Variants in GPBP1L1 observed in about 807,000 individuals in gnomAD.
The protein encoded by GPBP1L1 is GC-rich promoter binding protein 1 like 1.
Under a neutral mutation model 52.5 loss-of-function variants are expected in GPBP1L1, and 23 were observed. The observed-to-expected ratio is 0.44, with a 90% confidence interval of 0.32 to 0.62. GPBP1L1 has a LOEUF of 0.62. Ranked by LOEUF, GPBP1L1 falls within the 20% of genes least tolerant of loss-of-function variation. GPBP1L1 has a pLI of 0.06. For synonymous variants in GPBP1L1, 243 were observed against 203.1 expected (o/e 1.20, Z -1.67); for missense variants, 596 against 579.3 (o/e 1.03, Z -0.30).
intron 2 of GPBP1L1, among the ~76,000 whole-genome samples, chr1:45,678,803 T>C (rs187685290): frequency 1.3e-5 from 2 of 152,296 alleles, no homozygotes; most frequent in East Asian, 1.9e-4. Context: ...CTGGAGAAAT[T>C]TGAATAGCAC....
At position 45,660,398 on chromosome 1, in the gene GPBP1L1, G is replaced by GAAAGGGGA. The variant is rs763032326; in HGVS notation, c.-278_-271dup. 124 of 982,736 alleles carry GAAAGGGGA rather than the reference G, an allele frequency of 1.3e-4. No individual in the cohort carries two copies. Among genetic ancestry groups the GAAAGGGGA allele is most frequent in the Non-Finnish European group, 1.4e-4 (117 of 827,884 alleles). The allele number at this position is 982,736 out of a possible 1,614,324, so 60.9% of individuals were successfully genotyped here. ...GGTTCCTGACACGTTTCCAAAAGGG[G>GAAAGGGGA]AAAGGGGAAAAGGGGAAGGGGGGAA... is the stretch of plus-strand genomic sequence containing the variant. On this transcript the variant is annotated 5_prime_UTR_variant, in exon 3 of 13. The change abolishes the stop of an existing upstream ORF in the 5' untranslated region. Coordinates refer to ENST00000355105, the MANE Select transcript of GPBP1L1 (RefSeq NM_021639.5).
intron 6 of GPBP1L1, among the ~76,000 whole-genome samples, chr1:45,653,450 G>C (rs1296207571): frequency 6.6e-6 from 1 of 152,026 alleles, no homozygotes; most frequent in Non-Finnish European, 1.5e-5. Context: ...CAAACTCCTG[G>C]GCTCAAGTAA....
intron 10 of GPBP1L1, 129 bp from the exon 11 acceptor site, chr1:45,630,735 T>C (rs2148416750): frequency 2.0e-6 from 2 of 1,021,674 alleles, no homozygotes; most frequent in Non-Finnish European, 2.8e-6. Flanking sequence ...CACAGATTTT[T>C]TTCCCCATTT....
chr1:45,635,172 G>T (rs1256975062), intron 8 of GPBP1L1: 1 of 152,030 alleles, frequency 6.6e-6, no homozygotes, highest in Non-Finnish European at 1.5e-5. Flanking sequence ...TAATTGTTAC[G>T]CTGACTTTTA....
chr1:45,676,794 C>A (rs8179402), intron 2 of GPBP1L1, among the ~76,000 whole-genome samples: 43,250 of 150,960 alleles, frequency 0.29, 6,318 homozygotes, highest in South Asian at 0.37. Context: ...TGGGAGGATC[C>A]CTTGAATCCA....
In GPBP1L1 at chr1:45,633,621, A is replaced by G; in HGVS notation, c.912T>C (p.Ile304=). 6.2e-7 allele frequency: 1 copy of G among 1,613,820 alleles called. No homozygotes were observed. Among genetic ancestry groups the G allele is most frequent in the Non-Finnish European group, 8.5e-7 (1 of 1,179,922 alleles). ...KESPSSTTPP[I]EISSSRLTKL... ...TGGTCAGACGAGAGGAGCTGATCTC[A>G]ATTGGAGGGGTGGTGCTGGAGGGAC... The change falls in exon 10 of 13, where the codon ATT becomes ATC. Residue 304 remains isoleucine (I), a synonymous_variant. Transcript: ENST00000355105.
At chr1:45,647,853 G>C (rs917761090) in intron 6 of GPBP1L1, among the ~76,000 whole-genome samples, 1 of 152,196 alleles carries the variant, frequency 6.6e-6, no homozygotes, top group African/African-American at 2.4e-5. Flanking sequence ...TGGTGGTAGG[G>C]AAATGGGGGA....
intron 12 of GPBP1L1, 122 bp downstream of exon 12, chr1:45,629,454 T>TTTCCCCCCCCCCCCC (rs758811981): frequency 2.6e-5 from 3 of 117,618 alleles, no homozygotes; most frequent in Admixed American, 1.1e-4. Flanking sequence ...ACTAAGGTAA[T>TTTCCCCCCCCCCCCC]CCCCCCCCCC....
At chr1:45,635,413 CCT>C (rs1374168991) in intron 8 of GPBP1L1, 6 of 152,208 alleles carry the variant, frequency 3.9e-5, no homozygotes, top group African/African-American at 1.2e-4. Flanking sequence ...TGTGGCTTCC[CCT>C]GAGTTGTAGT....
At chr1:45,650,345 T>C (rs551481741) in intron 6 of GPBP1L1, among the ~76,000 whole-genome samples, 1 of 152,290 alleles carries the variant, frequency 6.6e-6, no homozygotes, top group African/African-American at 2.4e-5. Flanking sequence ...CATCCCAAAC[T>C]GCCAGAGTCA....
At chr1:45,647,946 T>C (rs1029271083) in intron 6 of GPBP1L1, among the ~76,000 whole-genome samples, 1 of 152,104 alleles carries the variant, frequency 6.6e-6, no homozygotes, top group African/African-American at 2.4e-5. Flanking sequence ...TGTATGTTTT[T>C]TTCTTTTTTT....
chr1:45,675,560 G>A (rs527514486), intron 2 of GPBP1L1, among the ~76,000 whole-genome samples: 1 of 151,796 alleles, frequency 6.6e-6, no homozygotes, highest in Non-Finnish European at 1.5e-5. Flanking sequence ...GTTCTTTTTT[G>A]AGACAGGGTC....
intron 6 of GPBP1L1, among the ~76,000 whole-genome samples, chr1:45,645,159 CTTCTT>C (rs887686597): frequency 2.4e-4 from 36 of 152,262 alleles, no homozygotes; most frequent in African/African-American, 8.4e-4. Flanking sequence ...ATTCCAAGCT[CTTCTT>C]TTAAGTATGC....
At chr1:45,643,175 C>A (rs1644695659) in intron 6 of GPBP1L1, among the ~76,000 whole-genome samples, 1 of 152,006 alleles carries the variant, frequency 6.6e-6, no homozygotes, top group African/African-American at 2.4e-5. Flanking sequence ...AGATGAATTC[C>A]AAAGCTGGAA....
intron 6 of GPBP1L1, among the ~76,000 whole-genome samples, chr1:45,647,443 T>C (rs1027690377): frequency 6.6e-6 from 1 of 152,216 alleles, no homozygotes; most frequent in African/African-American, 2.4e-5. Context: ...TGAACAACGA[T>C]AGAACCCTGT....
intron 8 of GPBP1L1, among the ~76,000 whole-genome samples, chr1:45,638,857 G>C (rs945723295): frequency 6.6e-6 from 1 of 152,010 alleles, no homozygotes; most frequent in African/African-American, 2.4e-5. Flanking sequence ...ATTTCTTCCC[G>C]GGTAAGAGAA....
At chr1:45,665,611 C>T (rs578035432) in intron 2 of GPBP1L1, among the ~76,000 whole-genome samples, 143 of 151,538 alleles carry the variant, frequency 9.4e-4, no homozygotes, top group African/African-American at 3.4e-3. Flanking sequence ...TGTGGTGGTG[C>T]ATGCCTGTAA....
At chr1:45,638,207 C>T (rs1644620789) in intron 8 of GPBP1L1, among the ~76,000 whole-genome samples, 2 of 152,208 alleles carry the variant, frequency 1.3e-5, no homozygotes, top group South Asian at 4.1e-4. Flanking sequence ...CTTCCAAGTA[C>T]AGTTCAAGTT....
chr1:45,677,971 C>T (rs1227329466), intron 2 of GPBP1L1, among the ~76,000 whole-genome samples: 1 of 152,164 alleles, frequency 6.6e-6, no homozygotes, highest in African/African-American at 2.4e-5. Flanking sequence ...CCCATTAATC[C>T]TAATCACCCA....
Sources: allele counts gnomAD v4.1 joint callset (sites outside exome capture counted in the v4.1 genomes callset), GRCh38; gene constraint gnomAD v4.1.1; transcripts MANE v1.5; gene names NCBI Gene and HGNC (gene_info 2026-07-23, HGNC 2026-07-21).